AGBL1: variants seen among roughly 807,000 people sequenced by gnomAD.
AGBL1 encodes the protein cytosolic carboxypeptidase 4.
Under a neutral mutation model 118.9 loss-of-function variants are expected in AGBL1, and 130 were observed. That is an observed-to-expected ratio of 1.09 (90% CI 0.95 to 1.26). The LOEUF (loss-of-function observed/expected upper bound fraction) is 1.26. AGBL1 is among the 50% of genes most tolerant of loss of function. AGBL1 has a pLI of 0.00. For synonymous variants in AGBL1, 555 were observed against 478.9 expected, an observed-to-expected ratio of 1.16 and a Z score of -2.08; for missense variants, 1,584 against 1,298.1, an observed-to-expected ratio of 1.22 and a Z score of -3.38.
chr15:86,918,498 G>A (rs759632826), downstream of AGBL1, among the ~76,000 whole-genome samples: 15 of 151,268 alleles, frequency 9.9e-5, no homozygotes, highest in African/African-American at 3.4e-4. Context: ...GTATCATGCC[G>A]CTGCACTCCA....
intron 15 of AGBL1, 42 bp downstream of exon 15, chr15:86,271,748 AT>A (rs2079166005): frequency 1.3e-6 from 2 of 1,529,374 alleles, no homozygotes; most frequent in Admixed American, 3.4e-5. Flanking sequence ...CTGTCCTGTA[AT>A]TTTCTCTCAA....
At chr15:86,789,244 T>C (rs2141325814) in intron 22 of AGBL1, among the ~76,000 whole-genome samples, 1 of 152,306 alleles carries the variant, frequency 6.6e-6, no homozygotes, top group South Asian at 2.1e-4. Context: ...TAGGCTCCAT[T>C]GTTAGGCAAG....
chr15:86,754,824 G>T (rs748020017), intron 22 of AGBL1, among the ~76,000 whole-genome samples: 18 of 151,978 alleles, frequency 1.2e-4, no homozygotes, highest in Non-Finnish European at 2.6e-4. Flanking sequence ...TGCATGCATT[G>T]CCAGGCTCAA....
intron 18 of AGBL1, among the ~76,000 whole-genome samples, chr15:86,440,019 A>G (rs2082043851): frequency 6.6e-6 from 1 of 152,172 alleles, no homozygotes; most frequent in Admixed American, 6.5e-5. Flanking sequence ...AATTAATTTT[A>G]AGTCCCACAA....
intron 19 of AGBL1, among the ~76,000 whole-genome samples, chr15:86,524,008 T>C (rs934184116): frequency 6.6e-6 from 1 of 152,244 alleles, no homozygotes; most frequent in Non-Finnish European, 1.5e-5. Context: ...CCAAATCAAT[T>C]AATCATCTCT....
intron 24 of AGBL1, among the ~76,000 whole-genome samples, chr15:87,019,156 A>G (rs145564491): frequency 1.3e-5 from 2 of 152,200 alleles, no homozygotes; most frequent in East Asian, 3.9e-4. Context: ...ACTTAGACTA[A>G]CACACAAAAA....
At chr15:86,463,236 A>T (rs1189713542) in intron 18 of AGBL1, among the ~76,000 whole-genome samples, 1 of 148,630 alleles carries the variant, frequency 6.7e-6, no homozygotes, top group Non-Finnish European at 1.5e-5. Flanking sequence ...TAAATGTCTT[A>T]TTTTGAGAAG....
chr15:86,762,852 G>C (rs1330682087), intron 22 of AGBL1, among the ~76,000 whole-genome samples: 1 of 151,976 alleles, frequency 6.6e-6, no homozygotes, highest in Admixed American at 6.6e-5. Flanking sequence ...GGATAGTTGA[G>C]TGTGTTGTAA....
At chr15:86,674,622 C>T (rs910645129) in intron 22 of AGBL1, among the ~76,000 whole-genome samples, 186 bp downstream of exon 22, 29 of 152,242 alleles carry the variant, frequency 1.9e-4, no homozygotes, top group African/African-American at 6.7e-4. Context: ...CCTGTTTGTA[C>T]ACATATATGC....
intron 3 of AGBL1, among the ~76,000 whole-genome samples, chr15:86,148,390 G>T (rs963654300): frequency 6.6e-6 from 1 of 152,046 alleles, no homozygotes; most frequent in African/African-American, 2.4e-5. Context: ...AAAAGATTAG[G>T]CGAATGGCTA....
chr15:86,552,239 G>C (rs138130864), intron 20 of AGBL1, among the ~76,000 whole-genome samples: 1 of 152,098 alleles, frequency 6.6e-6, no homozygotes, highest in Admixed American at 6.6e-5. Flanking sequence ...TACAGGAGTG[G>C]GGGGCATATG....
chr15:86,313,070 T>C (rs767489189), intron 17 of AGBL1, among the ~76,000 whole-genome samples: 1 of 151,888 alleles, frequency 6.6e-6, no homozygotes, highest in Non-Finnish European at 1.5e-5. Context: ...ACCCATAGAG[T>C]CAAATGGGTA....
chr15:86,923,670 C>G (rs1293751749), intron 23 of AGBL1, among the ~76,000 whole-genome samples: 1 of 152,110 alleles, frequency 6.6e-6, no homozygotes, highest in East Asian at 1.9e-4. Flanking sequence ...TACACTATTC[C>G]CTGAAAGCAA....
chr15:86,333,624 A>G (rs1165747675), intron 17 of AGBL1, among the ~76,000 whole-genome samples: 1 of 152,226 alleles, frequency 6.6e-6, no homozygotes, highest in African/African-American at 2.4e-5. Context: ...GCTGGTCTCA[A>G]TTCTACTGAA....
At chr15:86,241,823 G>C (rs772196669) in intron 6 of AGBL1, among the ~76,000 whole-genome samples, 2 of 152,130 alleles carry the variant, frequency 1.3e-5, no homozygotes, top group Admixed American at 6.5e-5. Flanking sequence ...GTAAACACTA[G>C]AGCCAAAAGT....
At chr15:87,028,888 C>G in exon 25 of AGBL1, 1 of 1,569,838 alleles carries the variant, frequency 6.4e-7, no homozygotes, top group Non-Finnish European at 8.8e-7. Flanking sequence ...GCCATGTGCC[C>G]AGCTCCTCCT....
intron 5 of AGBL1, among the ~76,000 whole-genome samples, chr15:86,204,753 C>T (rs1408608604): frequency 6.6e-6 from 1 of 152,098 alleles, no homozygotes; most frequent in African/African-American, 2.4e-5. Flanking sequence ...CCATGCCCAG[C>T]TAATTTTTGC....
At chr15:87,028,815 T>C (rs1198696786) in intron 24 of AGBL1, 2 of 1,604,994 alleles carry the variant, frequency 1.2e-6, no homozygotes, top group Non-Finnish European at 1.7e-6. Flanking sequence ...TATTTCTTAT[T>C]CCTTCTCAGA....
chr15:86,660,905 A>C (rs2085527575), intron 21 of AGBL1, among the ~76,000 whole-genome samples: 1 of 152,330 alleles, frequency 6.6e-6, no homozygotes, highest in East Asian at 1.9e-4. Flanking sequence ...GAAAATAATA[A>C]TAGTATTAAT....
Sources: gnomAD v4.1 joint callset for allele counts (sites outside exome capture counted in the v4.1 genomes callset) on GRCh38, gnomAD v4.1.1 for gene constraint, MANE v1.5 for transcripts, NCBI Gene and HGNC (gene_info 2026-07-23, HGNC 2026-07-21) for gene names.